The following CACNA1B variants were observed in gnomAD, a reference collection of about 807,000 sequenced individuals.
CACNA1B encodes the protein voltage-dependent N-type calcium channel subunit alpha-1B.
Under a neutral mutation model 247.2 loss-of-function variants are expected in CACNA1B, and 70 were observed. That is an observed-to-expected ratio of 0.28 (90% CI 0.23 to 0.35). The LOEUF (loss-of-function observed/expected upper bound fraction) is 0.35. Among genes scored for constraint, CACNA1B ranks in the 10% least tolerant of loss-of-function variants. The pLI, the probability that CACNA1B is intolerant of heterozygous loss-of-function variation, is 1.00. For synonymous variants in CACNA1B, 1,231 were observed against 1,294.4 expected, an observed-to-expected ratio of 0.95 and a Z score of 1.05; for missense variants, 2,367 against 3,197.4, an observed-to-expected ratio of 0.74 and a Z score of 6.26.
chr9:138,098,738 T>G (rs1398673207), intron 37 of CACNA1B, among the ~76,000 whole-genome samples: 1 of 152,074 alleles, frequency 6.6e-6, no homozygotes, highest in Non-Finnish European at 1.5e-5. Context: ...AAGTGCTTAC[T>G]GAAGAGTAAA....
rs1961218193 is a variant in CACNA1B, at chr9:138,100,546, G to A, written c.5223-2165G>A. Among the ~76,000 whole-genome samples, 1 of 152,134 alleles carries A rather than the reference G, an allele frequency of 6.6e-6. No homozygotes were observed. Among genetic ancestry groups the A allele is most frequent in the African/African-American group, 2.4e-5 (1 of 41,426 alleles). ...TACAGAAGGAAATTCAACATGATTTGGAGCTGATTGGACCGAGGGGGCTAC... is the reference window on the plus strand; with the variant it reads ...TACAGAAGGAAATTCAACATGATTTAGAGCTGATTGGACCGAGGGGGCTAC... On this transcript the variant is annotated intron_variant, in intron 37 of 46. Transcript: ENST00000371372. The surrounding 1 kb of genome is among the most constrained non-coding windows in gnomAD (Gnocchi z 4.6).
chr9:138,057,891 C>T lies in CACNA1B; in HGVS notation c.4106+22C>T, dbSNP rs199526733. 4.0e-5 allele frequency: 64 copies of T among 1,596,646 alleles called. No homozygotes were observed. In the South Asian group the frequency reaches 4.4e-4, roughly 11 times the overall value. On this transcript the variant is annotated intron_variant, in intron 27 of 46. Coordinates refer to ENST00000371372, the MANE Select transcript of CACNA1B (RefSeq NM_000718.4). This position sits in a 1 kb window ranked among gnomAD's most constrained non-coding sequence, Gnocchi z 4.0. ...CCATGTGAGTGCTCATCCTGCTCTC[C>T]GTAGCTGGGGCAGGCAGCCCCTGAG... is the stretch of plus-strand genomic sequence containing the variant.
rs1958943687 is a variant in CACNA1B at position 138,028,072 on chromosome 9, C to T, written c.3286+2900C>T. On this transcript the variant is annotated intron_variant, in intron 20 of 46. Coordinates refer to ENST00000371372, the MANE Select transcript of CACNA1B (RefSeq NM_000718.4). ...TTTTTGAGACTGAGCCTTGCTCTGT[C>T]ACCCTGGCTGGAGTGCAGTGGCACG... is the stretch of plus-strand genomic sequence containing the variant. Among the ~76,000 whole-genome samples, 2 of 117,818 alleles carry T rather than the reference C, an allele frequency of 1.7e-5. 1 individual carries two copies. The highest frequency in any genetic ancestry group is 2.4e-4 in the Admixed American group (2 of 8,340). 77.3% of individuals were successfully genotyped at this position (117,818 alleles called of 152,430 possible). A position where few individuals can be genotyped will look rare whatever the true frequency, so the allele number is the denominator to read the frequency against.
intron 6 of CACNA1B, among the ~76,000 whole-genome samples, chr9:137,948,934 T>C (rs1338543072): frequency 6.8e-6 from 1 of 147,888 alleles, no homozygotes; most frequent in Non-Finnish European, 1.5e-5. Context: ...CTGTGGTGTG[T>C]TTGTGTATGG....
At chr9:138,006,691 C>G (rs1214550437) in intron 15 of CACNA1B, 76 bp from the exon 16 acceptor site, 3 of 793,396 alleles carry the variant, frequency 3.8e-6, no homozygotes, top group East Asian at 2.6e-5. Context: ...TGCACATGCA[C>G]TCATGTGGGT....
At chr9:137,961,685 G>A (rs1320555674) in intron 10 of CACNA1B, among the ~76,000 whole-genome samples, 2 of 152,200 alleles carry the variant, frequency 1.3e-5, no homozygotes, top group African/African-American at 4.8e-5. Flanking sequence ...ATTTGGGTAT[G>A]TTGAACCAAC....
chr9:138,115,615 C>T lies in CACNA1B; in HGVS notation c.5713C>T (p.Leu1905Phe), dbSNP rs763080945. Residue 1905 changes from leucine (L) to phenylalanine (F), a missense_variant, in exon 42 of 47, where the codon CTC becomes TTC. Leu to Phe is a conservative substitution (Grantham distance 22). This residue lies in a region of CACNA1B where 773 missense variants were observed against 779.4 expected (regional missense o/e 0.99). Transcript: ENST00000371372. ...CCTGGAGCAGACACAGCCGGCTGTG[C>T]TCCGAGGAGCCCGGGTTTTCCTTCG... ...ATLEQTQPAV[L>F]RGARVFLRQK... 6.2e-7 allele frequency: 1 copy of T among 1,613,792 alleles called. No individual in the cohort carries two copies. The highest frequency in any genetic ancestry group is 1.1e-5 in the South Asian group (1 of 91,066).
intron 3 of CACNA1B, among the ~76,000 whole-genome samples, chr9:137,895,028 A>G (rs1321968367): frequency 6.6e-6 from 1 of 152,012 alleles, no homozygotes; most frequent in Admixed American, 6.5e-5. Flanking sequence ...ATCAGCTGTG[A>G]GGTTTAGGTT....
In CACNA1B at chr9:137,879,045, C is replaced by T. The variant is rs1011300501; in HGVS notation, c.285-9C>T. 1 of 1,597,382 alleles carries T rather than the reference C, an allele frequency of 6.3e-7. No individual in the cohort carries two copies. Among genetic ancestry groups the T allele is most frequent in the Non-Finnish European group, 8.6e-7 (1 of 1,167,312 alleles). On this transcript the variant is annotated splice_polypyrimidine_tract_variant and intron_variant, in intron 1 of 46. Transcript: ENST00000371372. ...GCGGCGTCTGCCGGCCAGTCCTTAA[C>T]TCACGCACTCCATTCGAGTATATGA...
intron 31 of CACNA1B, among the ~76,000 whole-genome samples, chr9:138,060,538 C>A (rs1290938107): frequency 1.3e-5 from 2 of 152,176 alleles, no homozygotes; most frequent in Non-Finnish European, 2.9e-5. Context: ...CAGAGCTATC[C>A]CTGCTGGAAA....
intron 36 of CACNA1B, among the ~76,000 whole-genome samples, chr9:138,082,969 A>G (rs1327016649): frequency 6.7e-6 from 1 of 150,254 alleles, no homozygotes; most frequent in African/African-American, 2.5e-5. Flanking sequence ...GGGACCTAGG[A>G]GAGCTTTTCC....
In CACNA1B at chr9:138,093,403, CAAAAAAAA is replaced by C. The variant is rs58608297; in HGVS notation, c.5095-3063_5095-3056del. On this transcript the variant is annotated intron_variant, in intron 36 of 46. Coordinates refer to ENST00000371372, the MANE Select transcript of CACNA1B (RefSeq NM_000718.4). Reference sequence around the variant, plus strand: ...TGGGCTACAGAGTGAGACTCTGTCTCAAAAAAAAAAAAAAAAAAAAAAAAAGAAGAAGA... The same window carrying C: ...TGGGCTACAGAGTGAGACTCTGTCTCAAAAAAAAAAAAAAAAAGAAGAAGA... 1.4e-4 allele frequency among the ~76,000 whole-genome samples: 6 copies of C among 43,252 alleles called. No individual in the cohort carries two copies. In the East Asian group the frequency reaches 1.6e-3, roughly 12 times the overall value. 28.4% of individuals were successfully genotyped at this position (43,252 alleles called of 152,430 possible).
chr9:137,947,897 T>A (rs938573196), intron 6 of CACNA1B, among the ~76,000 whole-genome samples: 1 of 151,982 alleles, frequency 6.6e-6, no homozygotes, highest in Non-Finnish European at 1.5e-5. Flanking sequence ...GGCTATAATG[T>A]GTTTGCCTGG....
rs1825956105 is a variant in CACNA1B at position 138,124,166 on chromosome 9, T to C, written c.*2167T>C. 6.6e-6 allele frequency: 1 copy of C among 152,140 alleles called. No homozygotes were observed. Among genetic ancestry groups the C allele is most frequent in the African/African-American group, 2.4e-5 (1 of 41,428 alleles). The allele number at this position is 152,140 out of a possible 1,614,324, so 9.4% of individuals were successfully genotyped here. On this transcript the variant is annotated 3_prime_UTR_variant, in exon 47 of 47. Transcript: ENST00000371372. ...GTGTCTTCTCCGGCTATCATATATGTCCCCTGAATCTCATAGTGAGCTGCC... is the reference window on the plus strand; with the variant it reads ...GTGTCTTCTCCGGCTATCATATATGCCCCCTGAATCTCATAGTGAGCTGCC...
chr9:138,100,442 C>T lies in CACNA1B; in HGVS notation c.5223-2269C>T, dbSNP rs1158947154. Among the ~76,000 whole-genome samples, 4 of 152,154 alleles carry T rather than the reference C, an allele frequency of 2.6e-5. No individual in the cohort carries two copies. Among genetic ancestry groups the T allele is most frequent in the Admixed American group, 6.5e-5 (1 of 15,280 alleles). ...GGGGTCTCACGTGTGTCCAGCCCCC[C>T]GTGGTGGTCCCTTGGCTGCCACAAC... On this transcript the variant is annotated intron_variant, in intron 37 of 46. Transcript: ENST00000371372. This position sits in a 1 kb window ranked among gnomAD's most constrained non-coding sequence, Gnocchi z 4.6.
At chr9:137,879,925 T>C (rs1564868743) in intron 2 of CACNA1B, among the ~76,000 whole-genome samples, 1 of 152,104 alleles carries the variant, frequency 6.6e-6, no homozygotes, top group African/African-American at 2.4e-5. Flanking sequence ...CCTGGCCCCA[T>C]GTCTGGGTTC....
chr9:137,920,526 G>C (rs1957465758), intron 6 of CACNA1B, among the ~76,000 whole-genome samples: 2 of 152,208 alleles, frequency 1.3e-5, no homozygotes, highest in African/African-American at 4.8e-5. Flanking sequence ...AGTTGAAACT[G>C]TATTTTCCAC....
chr9:137,977,646 G>A lies in CACNA1B; in HGVS notation c.1656+1627G>A, dbSNP rs551804131. ...CAGAGCCTAGGGATATGGCACTGTC[G>A]GCACCTGCCCAGAGGCTGAGTTCTG... On this transcript the variant is annotated intron_variant, in intron 12 of 46. Coordinates refer to ENST00000371372, the MANE Select transcript of CACNA1B (RefSeq NM_000718.4). 4.6e-5 allele frequency among the ~76,000 whole-genome samples: 7 copies of A among 152,274 alleles called. No individual in the cohort carries two copies. The South Asian group carries it at 8.3e-4, about 18-fold the overall frequency.
chr9:138,120,970 C>T lies in CACNA1B; in HGVS notation c.6489+89C>T, dbSNP rs1462432450. Reference sequence around the variant, plus strand: ...CACAGGCTCCTGCCTCTCCCCAGGGCCTCGCTGCTGCCCTTTGTCATTCCC... The same window carrying T: ...CACAGGCTCCTGCCTCTCCCCAGGGTCTCGCTGCTGCCCTTTGTCATTCCC... On this transcript the variant is annotated intron_variant, in intron 46 of 46. Transcript: ENST00000371372. 1.4e-5 allele frequency: 20 copies of T among 1,414,986 alleles called. No individual in the cohort carries two copies. In the Middle Eastern group the frequency reaches 6.0e-4, roughly 43 times the overall value. The allele number at this position is 1,414,986 out of a possible 1,614,324, so 87.7% of individuals were successfully genotyped here. A position where few individuals can be genotyped will look rare whatever the true frequency, so the allele number is the denominator to read the frequency against.
Sources: gnomAD v4.1 joint callset for allele counts (sites outside exome capture counted in the v4.1 genomes callset) on GRCh38, gnomAD v4.1.1 for gene constraint, gnomAD v4.1.1 regional missense constraint, Gnocchi (gnomAD v3.1) non-coding constraint, MANE v1.5 for transcripts, NCBI Gene and HGNC (gene_info 2026-07-23, HGNC 2026-07-21) for gene names.